NBPF15: variants seen among roughly 807,000 people sequenced by gnomAD.
The protein encoded by NBPF15 is NBPF family member NBPF15.
In NBPF15, 74 loss-of-function variants were observed where a neutral mutation model predicts 62.2. The observed-to-expected ratio is 1.19, with a 90% confidence interval of 0.99 to 1.44. NBPF15 has a LOEUF of 1.44. Ranked by LOEUF, NBPF15 falls within the 40% of genes most tolerant of loss-of-function variation. NBPF15 has a pLI of 0.00. For missense variants in NBPF15, 790 were observed against 550.0 expected (o/e 1.44, Z -4.36); for synonymous variants, 244 against 209.7 (o/e 1.16, Z -1.41).
Position 144,456,657 on chromosome 1 carries a change from A to T in NBPF15, c.-552T>A, listed in dbSNP as rs1378995414. 1.1e-5 allele frequency: 16 copies of T among 1,464,582 alleles called. 1 individual carries two copies. The highest frequency in any genetic ancestry group is 1.4e-5 in the Non-Finnish European group (15 of 1,101,486). The allele number at this position is 1,464,582 out of a possible 1,614,324, so 90.7% of individuals were successfully genotyped here. On this transcript the variant is annotated 5_prime_UTR_variant, in exon 4 of 22. Transcript: ENST00000581897. ...TCCACTGGAAGCCCTGGACAGTGGGAGTTGGTGGCAGCCCCAGCGTGGAGG... is the reference window on the plus strand; with the variant it reads ...TCCACTGGAAGCCCTGGACAGTGGGTGTTGGTGGCAGCCCCAGCGTGGAGG...
At chr1:144,455,987 G>T (rs587623759) in intron 4 of NBPF15, among the ~76,000 whole-genome samples, 1 of 152,116 alleles carries the variant, frequency 6.6e-6, no homozygotes, top group East Asian at 1.9e-4. Context: ...GATGGGAACG[G>T]CCTTCAAAAG....
intron 15 of NBPF15, among the ~76,000 whole-genome samples, 197 bp from the exon 16 acceptor site, chr1:144,428,187 A>G (rs1270861490): frequency 2.8e-4 from 42 of 148,708 alleles, no homozygotes; most frequent in African/African-American, 1.0e-3. Context: ...AGACACACAC[A>G]CACACACACA....
chr1:144,438,035 C>A lies in NBPF15; in HGVS notation c.188G>T (p.Cys63Phe), dbSNP rs200587902. 2.0e-5 allele frequency: 33 copies of A among 1,611,326 alleles called. No homozygotes were observed. The South Asian group carries it at 3.5e-4, about 17-fold the overall frequency. Residue 63 changes from cysteine (C) to phenylalanine (F), a missense_variant, in exon 9 of 22, where the codon TGC becomes TTC. Cys to Phe is a radical substitution (Grantham distance 205). Coordinates refer to ENST00000581897, the MANE Select transcript of NBPF15 (RefSeq NM_001385408.1). ...NRQKKYKYEECKDLIKFMLRN... is the reference protein window; with the variant it reads ...NRQKKYKYEEFKDLIKFMLRN... Reference sequence around the variant, plus strand: ...CAGCATAAATTTTATGAGATCTTTGCACTCTTCATATTCTGAGAAAAGACA... The same window carrying A: ...CAGCATAAATTTTATGAGATCTTTGAACTCTTCATATTCTGAGAAAAGACA...
At chr1:144,432,830 G>T in intron 13 of NBPF15, among the ~76,000 whole-genome samples, 2 of 152,062 alleles carry the variant, frequency 1.3e-5, no homozygotes, top group South Asian at 4.2e-4. Flanking sequence ...CCTACAAAGA[G>T]ATTTAGACTC....
chr1:144,460,025 A>ATTTTTT (rs1651431949), intron 2 of NBPF15, among the ~76,000 whole-genome samples: 1 of 33,000 alleles, frequency 3.0e-5, no homozygotes, highest in African/African-American at 1.3e-4. Context: ...CATTACCTGT[A>ATTTTTT]CTTTTTTTTT....
chr1:144,460,077 C>G lies in NBPF15; in HGVS notation c.-818-594G>C, dbSNP rs868917386. 4.3e-3 allele frequency among the ~76,000 whole-genome samples: 331 copies of G among 77,142 alleles called. 2 individuals carry two copies. Among genetic ancestry groups the G allele is most frequent in the African/African-American group, 0.018 (320 of 17,836 alleles). The allele number at this position is 77,142 out of a possible 152,430, so 50.6% of individuals were successfully genotyped here. ...TTTTTTTTGGAGACAGGGTCTCACT[C>G]TGCCACCCAGGCGGGAGTGCACTGC... is the stretch of plus-strand genomic sequence containing the variant. On this transcript the variant is annotated intron_variant, in intron 2 of 21. Transcript: ENST00000581897.
intron 6 of NBPF15, chr1:144,443,052 G>A (rs1294420437): frequency 2.1e-4 from 36 of 171,182 alleles, no homozygotes; most frequent in African/African-American, 5.3e-4. Flanking sequence ...AGCTTTGCCC[G>A]CCTTTCCTTC....
rs1179806839 is a variant in NBPF15 at position 144,440,395 on chromosome 1, G to C, written c.-190-100C>G. ...GCTTTGCTGAAACACAGGCACCCTA[G>C]TCTCACCTGAGGGTCACCACCAATG... On this transcript the variant is annotated intron_variant, in intron 6 of 21. Transcript: ENST00000581897. The C allele has an allele frequency of 1.9e-3, 1,249 of 643,826 alleles. 11 individuals carry two copies. In the African/African-American group the frequency reaches 0.021, roughly 11 times the overall value. 39.9% of individuals were successfully genotyped at this position (643,826 alleles called of 1,614,324 possible).
rs56003727 is a variant in NBPF15, at chr1:144,423,317, C to A, written c.1770-61G>T. ...GAAAATCAGACACCACAGAGCCCCA[C>A]TAGATTTCAGAAGTAATATAAGGAA... On this transcript the variant is annotated intron_variant, in intron 21 of 21. Coordinates refer to ENST00000581897, the MANE Select transcript of NBPF15 (RefSeq NM_001385408.1). 6.0e-3 allele frequency: 9,621 copies of A among 1,610,746 alleles called. 146 individuals carry two copies. The highest frequency in any genetic ancestry group is 6.3e-3 in the Non-Finnish European group (7,388 of 1,179,436).
intron 6 of NBPF15, among the ~76,000 whole-genome samples, chr1:144,445,382 C>T (rs1431226289): frequency 1.5e-5 from 2 of 135,846 alleles, no homozygotes; most frequent in Non-Finnish European, 3.2e-5. Context: ...CACACACACA[C>T]GTTTGTGTGT....
rs1248689976 is a variant in NBPF15 at position 144,431,033 on chromosome 1, G to T, written c.825-1170C>A. The stretch of plus-strand genomic sequence containing the variant: ...AGAAGAGAAGTTTAGAGAAAAAAGA[G>T]TAAAAAGAAATGAACAAGCCTCCAA... On this transcript the variant is annotated intron_variant, in intron 13 of 21. Coordinates refer to ENST00000581897, the MANE Select transcript of NBPF15 (RefSeq NM_001385408.1). 9.2e-5 allele frequency among the ~76,000 whole-genome samples: 14 copies of T among 151,872 alleles called. 1 individual carries two copies. Among genetic ancestry groups the T allele is most frequent in the Middle Eastern group, 6.8e-3 (2 of 294 alleles).
At chr1:144,453,434 T>C (rs1692419258) in intron 4 of NBPF15, among the ~76,000 whole-genome samples, 1 of 151,572 alleles carries the variant, frequency 6.6e-6, no homozygotes, top group Non-Finnish European at 1.5e-5. Context: ...GCTTCTTAGA[T>C]ACAAAACCAA....
chr1:144,458,073 C>A (rs1368862360), intron 3 of NBPF15, among the ~76,000 whole-genome samples: 21 of 150,238 alleles, frequency 1.4e-4, no homozygotes, highest in Admixed American at 7.3e-4. Flanking sequence ...GGCAACAGAG[C>A]GAGACACTGT....
rs782133649 is a variant in NBPF15 at position 144,424,007 on chromosome 1, T to A, written c.1664-32A>T. On this transcript the variant is annotated intron_variant, in intron 20 of 21. Transcript: ENST00000581897. ...TAAATTCAGACATGGACAGACACAT[T>A]AAGCTGATTCCCCTACACATATAAC... 7.9e-6 allele frequency: 6 copies of A among 763,502 alleles called. 1 individual carries two copies. In the South Asian group the frequency reaches 8.1e-5, roughly 10 times the overall value. 47.3% of individuals were successfully genotyped at this position (763,502 alleles called of 1,614,324 possible).
chr1:144,431,250 G>A (rs1273563409), intron 13 of NBPF15, among the ~76,000 whole-genome samples: 3 of 150,514 alleles, frequency 2.0e-5, no homozygotes, highest in Non-Finnish European at 4.4e-5. Flanking sequence ...CTCGAGAAGA[G>A]CAACCCCAAA....
At chr1:144,426,722 ACT>A (rs1233154966) in intron 17 of NBPF15, among the ~76,000 whole-genome samples, 8 of 151,674 alleles carry the variant, frequency 5.3e-5, no homozygotes, top group Non-Finnish European at 7.4e-5. Flanking sequence ...GTCAAAGGAC[ACT>A]CTGAGTTAGT....
intron 8 of NBPF15, among the ~76,000 whole-genome samples, chr1:144,438,544 G>C (rs1680396458): frequency 6.6e-6 from 1 of 151,966 alleles, no homozygotes; most frequent in Admixed American, 6.6e-5. Context: ...ATGATTTTAA[G>C]AATCATATCT....
intron 18 of NBPF15, 113 bp downstream of exon 18, chr1:144,426,165 C>T (rs1233554205): frequency 1.6e-4 from 107 of 654,678 alleles, no homozygotes; most frequent in Non-Finnish European, 2.2e-4. Context: ...GCCCATAGGT[C>T]CTGCCTGCGG....
intron 3 of NBPF15, among the ~76,000 whole-genome samples, chr1:144,458,618 C>T (rs1394704967): frequency 6.7e-6 from 1 of 150,152 alleles, no homozygotes; most frequent in Non-Finnish European, 1.5e-5. Flanking sequence ...CAGACCCACA[C>T]TAATTTCATA....
Sources: gnomAD v4.1 joint callset for allele counts (sites outside exome capture counted in the v4.1 genomes callset) on GRCh38, gnomAD v4.1.1 for gene constraint, MANE v1.5 for transcripts, NCBI Gene and HGNC (gene_info 2026-07-23, HGNC 2026-07-21) for gene names.